NRBF2: variants seen among roughly 807,000 people sequenced by gnomAD.
NRBF2 encodes nuclear receptor-binding factor 2.
Under a neutral mutation model 28.5 loss-of-function variants are expected in NRBF2, and 12 were observed. That is an observed-to-expected ratio of 0.42 (90% confidence interval 0.27 to 0.68). NRBF2 has a LOEUF of 0.68. Ranked by LOEUF, NRBF2 falls within the 30% of genes least tolerant of loss-of-function variation. NRBF2 has a pLI of 0.24. For synonymous variants in NRBF2, 102 were observed against 116.5 expected (o/e 0.88, Z 0.80); for missense variants, 274 against 333.5 (o/e 0.82, Z 1.39).
intron 2 of NRBF2, among the ~76,000 whole-genome samples, chr10:63,150,116 ATT>A (rs370720058): frequency 9.6e-5 from 13 of 135,544 alleles, no homozygotes; most frequent in African/African-American, 2.1e-4. Flanking sequence ...TAATTTTTGT[ATT>A]TTTTTTTTTT....
intron 1 of NRBF2, among the ~76,000 whole-genome samples, chr10:63,144,476 G>A (rs1392390879): frequency 6.7e-6 from 1 of 150,106 alleles, no homozygotes; most frequent in Non-Finnish European, 1.5e-5. Context: ...GTGGAGTGGC[G>A]CGATCTCGGC....
chr10:63,140,622 T>C (rs1841448841), intron 1 of NRBF2, among the ~76,000 whole-genome samples: 1 of 151,938 alleles, frequency 6.6e-6, no homozygotes, highest in African/African-American at 2.4e-5. Context: ...CTATGTTGCC[T>C]ATGCTGGTCT....
intron 1 of NRBF2, among the ~76,000 whole-genome samples, chr10:63,145,571 T>C (rs1418872510): frequency 6.6e-6 from 1 of 152,238 alleles, no homozygotes; most frequent in Non-Finnish European, 1.5e-5. Context: ...TAATAAGTTT[T>C]CCTTCAATTA....
intron 2 of NRBF2, among the ~76,000 whole-genome samples, chr10:63,149,907 A>G (rs998585448): frequency 3.3e-5 from 5 of 152,102 alleles, no homozygotes; most frequent in East Asian, 3.9e-4. Flanking sequence ...ACAGTGTATC[A>G]GAGCGGTAGC....
chr10:63,148,921 G>A (rs1003143401), intron 2 of NRBF2, among the ~76,000 whole-genome samples: 1 of 152,174 alleles, frequency 6.6e-6, no homozygotes, highest in Non-Finnish European at 1.5e-5. Context: ...TTCAGAAGAT[G>A]AGCAGGCCCC....
chr10:63,152,045 C>T, intron 2 of NRBF2, 105 bp from the exon 3 acceptor site: 1 of 750,508 alleles, frequency 1.3e-6, no homozygotes, highest in Admixed American at 2.6e-5. Flanking sequence ...TCAGAGTTAT[C>T]AGACCAGTTC....
intron 2 of NRBF2, chr10:63,150,468 T>A: frequency 4.0e-6 from 2 of 495,090 alleles, no homozygotes; most frequent in Non-Finnish European, 5.2e-6. Flanking sequence ...CCCAGTCTAG[T>A]CTTGAACTCC....
At chr10:63,143,465 G>GTT (rs111734517) in intron 1 of NRBF2, among the ~76,000 whole-genome samples, 1 of 147,458 alleles carries the variant, frequency 6.8e-6, no homozygotes. Flanking sequence ...GAACAGATTT[G>GTT]TTTTTTTTTT....
intron 2 of NRBF2, among the ~76,000 whole-genome samples, chr10:63,147,657 G>A (rs1462250655): frequency 6.8e-6 from 1 of 146,476 alleles, no homozygotes; most frequent in Admixed American, 6.9e-5. Context: ...TGTAGAATGT[G>A]CATGTTTGTT....
At position 63,139,133 on chromosome 10, in the gene NRBF2, C is replaced by T. The variant is rs909032211; in HGVS notation, c.30+5633C>T. 2.6e-5 allele frequency among the ~76,000 whole-genome samples: 4 copies of T among 152,212 alleles called. No individual in the cohort carries two copies. In the South Asian group the frequency reaches 6.2e-4, roughly 24 times the overall value. On this transcript the variant is annotated intron_variant, in intron 1 of 3. Coordinates refer to ENST00000277746, the MANE Select transcript of NRBF2 (RefSeq NM_030759.5). ...CAAGCGATTCTCCTGCCTCAGCCTT[C>T]CTTGTAGCTGGGACCACAGGCGCGT...
At chr10:63,136,864 G>A (rs1841386895) in intron 1 of NRBF2, among the ~76,000 whole-genome samples, 1 of 152,192 alleles carries the variant, frequency 6.6e-6, no homozygotes, top group East Asian at 1.9e-4. Flanking sequence ...ATCTGGAAGA[G>A]ACTAGTTTGA....
At chr10:63,137,810 A>G (rs1841397695) in intron 1 of NRBF2, among the ~76,000 whole-genome samples, 1 of 152,164 alleles carries the variant, frequency 6.6e-6, no homozygotes, top group Admixed American at 6.5e-5. Context: ...ATTCCAAGGA[A>G]AATTTCTTTG....
chr10:63,134,910 A>G (rs1454255668), intron 1 of NRBF2, among the ~76,000 whole-genome samples: 2 of 152,096 alleles, frequency 1.3e-5, no homozygotes, highest in South Asian at 2.1e-4. Flanking sequence ...GGAACTGGCC[A>G]GGCGCCGGGG....
chr10:63,147,852 C>T (rs907141446), intron 2 of NRBF2, among the ~76,000 whole-genome samples: 6 of 151,690 alleles, frequency 4.0e-5, no homozygotes, highest in African/African-American at 1.5e-4. Flanking sequence ...GTAGATATTC[C>T]ATAAATCTTT....
intron 1 of NRBF2, among the ~76,000 whole-genome samples, chr10:63,145,014 C>T (rs1841536897): frequency 6.6e-6 from 1 of 151,724 alleles, no homozygotes; most frequent in African/African-American, 2.4e-5. Context: ...ACGACCTCCC[C>T]ATCAGTCTTT....
intron 2 of NRBF2, among the ~76,000 whole-genome samples, chr10:63,148,187 T>C (rs1841593382): frequency 6.6e-6 from 1 of 152,224 alleles, no homozygotes; most frequent in Non-Finnish European, 1.5e-5. Context: ...ACCTAATCCT[T>C]GTCTTTGAAG....
chr10:63,137,118 G>A (rs1841389568), intron 1 of NRBF2, among the ~76,000 whole-genome samples: 1 of 152,126 alleles, frequency 6.6e-6, no homozygotes, highest in South Asian at 2.1e-4. Context: ...CTACAGGTTT[G>A]CACCACCATG....
At chr10:63,149,365 G>A (rs566828096) in intron 2 of NRBF2, among the ~76,000 whole-genome samples, 4 of 152,264 alleles carry the variant, frequency 2.6e-5, no homozygotes, top group South Asian at 2.1e-4. Context: ...CACTGTGCCC[G>A]GCCCAATGTT....
intron 2 of NRBF2, among the ~76,000 whole-genome samples, chr10:63,147,464 G>T (rs1841579623): frequency 6.6e-6 from 1 of 151,968 alleles, no homozygotes; most frequent in Non-Finnish European, 1.5e-5. Context: ...GGGACTACAG[G>T]TGTGTGCCAC....
Sources: allele counts gnomAD v4.1 joint callset (sites outside exome capture counted in the v4.1 genomes callset), GRCh38; gene constraint gnomAD v4.1.1; transcripts MANE v1.5; gene names NCBI Gene and HGNC (gene_info 2026-07-23, HGNC 2026-07-21).